Variants in MAGI2 observed in about 807,000 individuals in gnomAD.
MAGI2 encodes the protein membrane associated guanylate kinase, WW and PDZ domain containing 2.
Under a neutral mutation model 133.3 loss-of-function variants are expected in MAGI2, and 35 were observed. The observed-to-expected ratio is 0.26, with a 90% CI of 0.20 to 0.35. MAGI2 has a LOEUF of 0.35. Ranked by LOEUF, MAGI2 falls within the 10% of genes least tolerant of loss-of-function variation. MAGI2 has a pLI of 1.00. For missense variants in MAGI2, 1,636 were observed against 1,863.4 expected, an observed-to-expected ratio of 0.88 and a Z score of 2.25; for synonymous variants, 729 against 710.6, an observed-to-expected ratio of 1.03 and a Z score of -0.41.
chr7:78,234,950 CAG>C (rs1790373410), intron 10 of MAGI2, among the ~76,000 whole-genome samples: 2 of 152,000 alleles, frequency 1.3e-5, no homozygotes, highest in African/African-American at 4.8e-5. Flanking sequence ...AGTATAGTGG[CAG>C]AGAGTGAGGA....
chr7:78,410,925 G>C (rs1179728660), intron 6 of MAGI2, among the ~76,000 whole-genome samples: 1 of 151,934 alleles, frequency 6.6e-6, no homozygotes, highest in Admixed American at 6.6e-5. Flanking sequence ...ACAATGTATT[G>C]TCATTAGCAT....
chr7:78,058,003 A>ATATATATATATATATATATG, intron 21 of MAGI2, among the ~76,000 whole-genome samples: 2 of 117,028 alleles, frequency 1.7e-5, no homozygotes, highest in Admixed American at 8.0e-5. Context: ...ATATATATAT[A>ATATATATATATATATATATG]TGTATGAGAA....
chr7:78,268,210 T>G (rs1794205745), intron 9 of MAGI2, among the ~76,000 whole-genome samples: 1 of 152,126 alleles, frequency 6.6e-6, no homozygotes, highest in Non-Finnish European at 1.5e-5. Flanking sequence ...TTATTTTATA[T>G]CAAGTTCCTT....
chr7:78,929,112 A>G (rs1799923906), intron 2 of MAGI2, among the ~76,000 whole-genome samples: 1 of 152,152 alleles, frequency 6.6e-6, no homozygotes. Context: ...CTAAAACATA[A>G]AATGTGTGTT....
chr7:79,367,856 G>GACACACACACACACACACACACACACAC (rs1183514493), intron 1 of MAGI2, among the ~76,000 whole-genome samples: 1 of 69,990 alleles, frequency 1.4e-5, no homozygotes, highest in Admixed American at 1.5e-4. Context: ...TTATATATGT[G>GACACACACACACACACACACACACACAC]ACATATATAT....
At chr7:78,651,781 A>G (rs1027970492) in intron 2 of MAGI2, among the ~76,000 whole-genome samples, 1 of 152,132 alleles carries the variant, frequency 6.6e-6, no homozygotes, top group Non-Finnish European at 1.5e-5. Context: ...TATTTTGAGT[A>G]TGAGGGTCCT....
At chr7:79,158,503 T>C (rs1039768752) in intron 1 of MAGI2, among the ~76,000 whole-genome samples, 2 of 152,052 alleles carry the variant, frequency 1.3e-5, no homozygotes, top group African/African-American at 4.8e-5. Context: ...CATTTATTGG[T>C]CATGTGGTTT....
At chr7:78,806,353 T>C (rs180829709) in intron 2 of MAGI2, among the ~76,000 whole-genome samples, 43 of 152,280 alleles carry the variant, frequency 2.8e-4, no homozygotes, top group African/African-American at 7.9e-4. Context: ...TTTAAATTTC[T>C]TAGAGAAATG....
At chr7:79,161,635 C>G (rs943130260) in intron 1 of MAGI2, among the ~76,000 whole-genome samples, 2 of 152,038 alleles carry the variant, frequency 1.3e-5, no homozygotes, top group Non-Finnish European at 2.9e-5. Flanking sequence ...AGACAGCTCT[C>G]CTGAGCTGTT....
intron 2 of MAGI2, among the ~76,000 whole-genome samples, chr7:78,705,189 T>C (rs1191061449): frequency 2.6e-5 from 4 of 152,136 alleles, no homozygotes; most frequent in East Asian, 1.9e-4. Context: ...TGATGGGAGA[T>C]GATTGGATCA....
intron 1 of MAGI2, among the ~76,000 whole-genome samples, chr7:79,022,633 A>T (rs1171044423): frequency 1.4e-5 from 2 of 144,752 alleles, no homozygotes; most frequent in Non-Finnish European, 3.0e-5. Flanking sequence ...TAAGTTTAAA[A>T]AGAGACAAGA....
At position 79,254,284 on chromosome 7, in the gene MAGI2, C is replaced by T. The variant is rs182579495; in HGVS notation, c.301+198736G>A. Among the ~76,000 whole-genome samples, 18 of 140,868 alleles carry T rather than the reference C, an allele frequency of 1.3e-4. 1 individual carries two copies. Among genetic ancestry groups the T allele is most frequent in the Admixed American group, 1.3e-3 (17 of 13,556 alleles). 92.4% of individuals were successfully genotyped at this position (140,868 alleles called of 152,430 possible). A position where few individuals can be genotyped will look rare whatever the true frequency, so the allele number is the denominator to read the frequency against. On this transcript the variant is annotated intron_variant, in intron 1 of 21. Transcript: ENST00000354212. ...TAAAATAAATTAATTCTCTATCACA[C>T]GCTTTAGAAGTATCTTCCCCATTTT...
At chr7:78,666,968 TAA>T (rs1289477418) in intron 2 of MAGI2, among the ~76,000 whole-genome samples, 1 of 152,158 alleles carries the variant, frequency 6.6e-6, no homozygotes, top group Admixed American at 6.6e-5. Flanking sequence ...GAAAAATTCT[TAA>T]AGACTATGGA....
At chr7:78,931,874 C>T (rs1277991304) in intron 2 of MAGI2, among the ~76,000 whole-genome samples, 1 of 151,896 alleles carries the variant, frequency 6.6e-6, no homozygotes, top group East Asian at 1.9e-4. Flanking sequence ...GTTGAGCATT[C>T]CTAATACAAA....
At chr7:78,709,156 A>G (rs323172) in intron 2 of MAGI2, among the ~76,000 whole-genome samples, 41,527 of 151,920 alleles carry the variant, frequency 0.27, 6,790 homozygotes, top group East Asian at 0.61. Context: ...ACTGCTTTCA[A>G]AATAAAATCT....
intron 1 of MAGI2, among the ~76,000 whole-genome samples, chr7:79,304,616 T>A (rs1837643491): frequency 6.6e-6 from 1 of 152,184 alleles, no homozygotes. Flanking sequence ...TGAGCCCAGC[T>A]CTTCCGTTCT....
chr7:78,403,389 T>C (rs368811270), intron 6 of MAGI2, among the ~76,000 whole-genome samples: 1 of 152,204 alleles, frequency 6.6e-6, no homozygotes, highest in Non-Finnish European at 1.5e-5. Flanking sequence ...TTTCCTAATC[T>C]AGTCTATCAT....
intron 1 of MAGI2, among the ~76,000 whole-genome samples, chr7:79,043,544 A>G (rs1467917649): frequency 7.4e-6 from 1 of 135,096 alleles, no homozygotes; most frequent in Non-Finnish European, 1.6e-5. Flanking sequence ...CTCCATCACA[A>G]AAAAAAAAAA....
chr7:79,201,283 G>A (rs1296505564), intron 1 of MAGI2, among the ~76,000 whole-genome samples: 3 of 152,116 alleles, frequency 2.0e-5, no homozygotes, highest in Middle Eastern at 3.4e-3. Flanking sequence ...GTTTTGCCTA[G>A]GGCCAGTTTT....
Sources: allele counts gnomAD v4.1 joint callset (sites outside exome capture counted in the v4.1 genomes callset), GRCh38; gene constraint gnomAD v4.1.1; transcripts MANE v1.5; gene names NCBI Gene and HGNC (gene_info 2026-07-23, HGNC 2026-07-21).